Variants in RSU1 observed in about 807,000 individuals in gnomAD.
RSU1 encodes the protein Ras suppressor protein 1.
A neutral mutation model predicts 31.1 loss-of-function variants in RSU1; 26 were observed. That is an observed-to-expected ratio of 0.84 (90% CI 0.61 to 1.16). The LOEUF is 1.16. Ranked by LOEUF, RSU1 falls within the 50% of genes most tolerant of loss-of-function variation. The pLI is 0.00. For synonymous variants in RSU1, 164 were observed against 136.3 expected (o/e 1.20, Z -1.41); for missense variants, 320 against 339.1 (o/e 0.94, Z 0.44).
chr10:16,608,459 G>C (rs900699033), intron 8 of RSU1, among the ~76,000 whole-genome samples: 2 of 152,082 alleles, frequency 1.3e-5, no homozygotes, highest in Non-Finnish European at 2.9e-5. Context: ...CTCTCACCAG[G>C]TGAGCTTTAG....
At position 16,694,941 on chromosome 10, in the gene RSU1, T is replaced by C; in HGVS notation, c.731+82A>G. On this transcript the variant is annotated intron_variant, in intron 8 of 8. Transcript: ENST00000345264. ...GTGCTAACTGCCATCAATAGGATAC[T>C]GTCACATAATATTTTTAAAGGCGTA... 8.4e-6 allele frequency: 11 copies of C among 1,307,380 alleles called. No individual in the cohort carries two copies. In the South Asian group the frequency reaches 9.6e-5, roughly 11 times the overall value. 81.0% of individuals were successfully genotyped at this position (1,307,380 alleles called of 1,614,324 possible). A position where few individuals can be genotyped will look rare whatever the true frequency, so the allele number is the denominator to read the frequency against.
intron 7 of RSU1, among the ~76,000 whole-genome samples, chr10:16,711,296 T>C (rs556519425): frequency 3.3e-5 from 5 of 151,852 alleles, no homozygotes; most frequent in Admixed American, 3.3e-4. Flanking sequence ...TCTTGTTTTT[T>C]TTAGTCTAGC....
intron 8 of RSU1, among the ~76,000 whole-genome samples, chr10:16,639,047 T>C (rs998763654): frequency 4.6e-5 from 7 of 152,230 alleles, no homozygotes; most frequent in African/African-American, 9.6e-5. Context: ...TATTTCGTTG[T>C]GATCCTGAAG....
chr10:16,600,016 C>T (rs541187447), intron 8 of RSU1, among the ~76,000 whole-genome samples: 2 of 152,032 alleles, frequency 1.3e-5, no homozygotes, highest in South Asian at 2.1e-4. Flanking sequence ...CCCTGATAGC[C>T]GGGATTTGGA....
intron 7 of RSU1, among the ~76,000 whole-genome samples, chr10:16,729,868 T>C (rs755105882): frequency 1.3e-4 from 20 of 152,184 alleles, no homozygotes; most frequent in South Asian, 2.1e-4. Context: ...TTAGCAAATG[T>C]GAATGTAACA....
intron 7 of RSU1, among the ~76,000 whole-genome samples, chr10:16,713,117 A>T (rs1836057164): frequency 6.6e-6 from 1 of 152,150 alleles, no homozygotes; most frequent in Non-Finnish European, 1.5e-5. Context: ...GTGATGTGAC[A>T]CTGTTTTCTT....
intron 2 of RSU1, among the ~76,000 whole-genome samples, chr10:16,803,305 T>C (rs565407507): frequency 2.0e-5 from 3 of 152,060 alleles, no homozygotes; most frequent in Non-Finnish European, 4.4e-5. Flanking sequence ...TAACAAAATA[T>C]GTACAAGCTC....
At chr10:16,633,238 G>T (rs1457355056) in intron 8 of RSU1, among the ~76,000 whole-genome samples, 1 of 152,136 alleles carries the variant, frequency 6.6e-6, no homozygotes, top group Non-Finnish European at 1.5e-5. Flanking sequence ...TGCTGTGGCT[G>T]GGAGTCATTG....
intron 4 of RSU1, among the ~76,000 whole-genome samples, chr10:16,760,005 A>G (rs1837176407): frequency 6.6e-6 from 1 of 152,198 alleles, no homozygotes; most frequent in Admixed American, 6.5e-5. Flanking sequence ...ACAATTCTTT[A>G]TGCCATTTGA....
intron 8 of RSU1, among the ~76,000 whole-genome samples, chr10:16,619,148 G>A (rs1834028829): frequency 6.6e-6 from 1 of 152,160 alleles, no homozygotes; most frequent in Non-Finnish European, 1.5e-5. Flanking sequence ...GAAGTGCTAA[G>A]AAATTAAAAA....
At chr10:16,631,086 C>T (rs1564291719) in intron 8 of RSU1, among the ~76,000 whole-genome samples, 2 of 152,176 alleles carry the variant, frequency 1.3e-5, no homozygotes, top group Non-Finnish European at 2.9e-5. Flanking sequence ...AACATCAACA[C>T]ATTTGGGTTC....
At chr10:16,703,380 G>C (rs139196389) in intron 7 of RSU1, among the ~76,000 whole-genome samples, 3 of 152,286 alleles carry the variant, frequency 2.0e-5, no homozygotes, top group African/African-American at 7.2e-5. Context: ...GCAATCTGGC[G>C]ATTTCTATTA....
chr10:16,622,109 CA>C (rs975764253), intron 8 of RSU1, among the ~76,000 whole-genome samples: 1 of 152,132 alleles, frequency 6.6e-6, no homozygotes, highest in Admixed American at 6.5e-5. Flanking sequence ...TAAATGCCCA[CA>C]AAAATTAAAA....
chr10:16,787,873 T>C (rs932109655), intron 2 of RSU1, among the ~76,000 whole-genome samples: 1 of 152,236 alleles, frequency 6.6e-6, no homozygotes, highest in East Asian at 1.9e-4. Context: ...TTAATGGCTT[T>C]AGGACTGAAT....
At chr10:16,618,593 T>C (rs1366221349) in intron 8 of RSU1, among the ~76,000 whole-genome samples, 3 of 152,164 alleles carry the variant, frequency 2.0e-5, no homozygotes, top group Non-Finnish European at 2.9e-5. Context: ...CCTTTGATGA[T>C]AGACTGGATA....
chr10:16,667,817 A>G (rs1835025862), intron 8 of RSU1, among the ~76,000 whole-genome samples: 1 of 152,204 alleles, frequency 6.6e-6, no homozygotes, highest in South Asian at 2.1e-4. Context: ...TCTACTTTAC[A>G]TATGAACTAT....
Position 16,695,037 on chromosome 10 carries a change from A to T in RSU1, c.717T>A (p.Ser239=). 6.2e-7 allele frequency: 1 copy of T among 1,613,312 alleles called. No homozygotes were observed. The highest frequency in any genetic ancestry group is 8.5e-7 in the Non-Finnish European group (1 of 1,179,570). ...GVSHVFEYIR[S]ETYKYLYGRH... Reference sequence around the variant, plus strand: ...AGTCTACTTACTATTTGTATGTCTCAGAACGGATATACTCAAAAACATGGG... The same window carrying T: ...AGTCTACTTACTATTTGTATGTCTCTGAACGGATATACTCAAAAACATGGG... The change falls in exon 8 of 9, where the codon TCT becomes TCA. Residue 239 remains serine (S), a synonymous_variant. Transcript: ENST00000345264.
chr10:16,625,441 T>C (rs1210152990), intron 8 of RSU1, among the ~76,000 whole-genome samples: 1 of 152,206 alleles, frequency 6.6e-6, no homozygotes, highest in East Asian at 1.9e-4. Context: ...TAATCATGCA[T>C]TCACTGAAAG....
chr10:16,605,631 G>A (rs1588670577), intron 8 of RSU1, among the ~76,000 whole-genome samples: 1 of 152,074 alleles, frequency 6.6e-6, no homozygotes, highest in Non-Finnish European at 1.5e-5. Flanking sequence ...TCAATTCCAC[G>A]CTCATCAGGT....
Sources: allele counts gnomAD v4.1 joint callset (sites outside exome capture counted in the v4.1 genomes callset), GRCh38; gene constraint gnomAD v4.1.1; transcripts MANE v1.5; gene names NCBI Gene and HGNC (gene_info 2026-07-23, HGNC 2026-07-21).